Variants in MCTP2 observed in about 807,000 individuals in gnomAD.
The protein encoded by MCTP2 is multiple C2 and transmembrane domain-containing protein 2.
MCTP2 carries 132 observed loss-of-function variants against 111.6 expected under a neutral mutation model. That is an observed-to-expected ratio of 1.18 (90% CI 1.03 to 1.37). The LOEUF (loss-of-function observed/expected upper bound fraction) is 1.37, where lower values mean the gene tolerates loss of function less well. Among genes scored for constraint, MCTP2 ranks in the 40% most tolerant of loss-of-function variants. The pLI is 0.00. For synonymous variants in MCTP2, 395 were observed against 387.7 expected, an observed-to-expected ratio of 1.02 and a Z score of -0.22; for missense variants, 1,183 against 1,067.9, an observed-to-expected ratio of 1.11 and a Z score of -1.50.
At chr15:94,394,492 G>C (rs575226736) in intron 14 of MCTP2, among the ~76,000 whole-genome samples, 37 of 152,268 alleles carry the variant, frequency 2.4e-4, no homozygotes, top group African/African-American at 8.7e-4. Context: ...GTGACTGGGT[G>C]CAGTGGCTCA....
At chr15:94,463,725 G>C (rs1396599117) in intron 20 of MCTP2, among the ~76,000 whole-genome samples, 2 of 152,092 alleles carry the variant, frequency 1.3e-5, no homozygotes, top group African/African-American at 4.8e-5. Flanking sequence ...TTGTAAATAT[G>C]CTTTATCAGG....
At chr15:94,321,948 G>T (rs1196830148) in intron 4 of MCTP2, among the ~76,000 whole-genome samples, 1 of 152,182 alleles carries the variant, frequency 6.6e-6, no homozygotes, top group Non-Finnish European at 1.5e-5. Context: ...AGGTGAAAGT[G>T]GATCATCATA....
At chr15:94,424,299 T>G (rs1336593612) in intron 17 of MCTP2, among the ~76,000 whole-genome samples, 1 of 152,150 alleles carries the variant, frequency 6.6e-6, no homozygotes, top group East Asian at 1.9e-4. Flanking sequence ...TATTTGGATA[T>G]TTTCATTTTG....
chr15:94,245,350 ACATATG>A (rs1284133306), intron 1 of MCTP2, among the ~76,000 whole-genome samples: 9 of 133,916 alleles, frequency 6.7e-5, no homozygotes, highest in African/African-American at 1.8e-4. Flanking sequence ...ATATTTACAT[ACATATG>A]TATATATATT....
At chr15:94,405,171 T>G (rs1199570155) in intron 17 of MCTP2, among the ~76,000 whole-genome samples, 1 of 152,198 alleles carries the variant, frequency 6.6e-6, no homozygotes, top group Non-Finnish European at 1.5e-5. Context: ...GTGGGGCTTT[T>G]CTTCTTGTGA....
At chr15:94,232,408 G>T (rs2070245569) in intron 1 of MCTP2, among the ~76,000 whole-genome samples, 1 of 152,140 alleles carries the variant, frequency 6.6e-6, no homozygotes, top group Middle Eastern at 3.2e-3. Flanking sequence ...ACAAGGGTGC[G>T]AACCCTTAAG....
rs766467867 is a variant in MCTP2, at chr15:94,479,151, C to T, written c.*117C>T. The T allele has an allele frequency of 4.6e-5, 42 of 917,640 alleles. No individual in the cohort carries two copies. Among genetic ancestry groups the T allele is most frequent in the East Asian group, 4.3e-4 (17 of 39,804 alleles). The allele number at this position is 917,640 out of a possible 1,614,324, so 56.8% of individuals were successfully genotyped here. On this transcript the variant is annotated 3_prime_UTR_variant, in exon 23 of 23. Transcript: ENST00000357742. Reference sequence around the variant, plus strand: ...TTCTGAAATGCATGCCCTGTGGCACCCTCTGTATACTTCCTCCTCCTTCAC... The same window carrying T: ...TTCTGAAATGCATGCCCTGTGGCACTCTCTGTATACTTCCTCCTCCTTCAC...
At chr15:94,376,184 T>A (rs1340197130) in intron 12 of MCTP2, among the ~76,000 whole-genome samples, 1 of 152,176 alleles carries the variant, frequency 6.6e-6, no homozygotes, top group African/African-American at 2.4e-5. Context: ...GGCTATGCCA[T>A]TAGGAGGAGC....
At chr15:94,302,847 C>G (rs1374691174) in intron 2 of MCTP2, among the ~76,000 whole-genome samples, 1 of 151,950 alleles carries the variant, frequency 6.6e-6, no homozygotes, top group East Asian at 1.9e-4. Context: ...CATTTTCATG[C>G]TACTGATAGA....
chr15:94,312,688 A>C (rs951012039), intron 2 of MCTP2, among the ~76,000 whole-genome samples: 2 of 152,130 alleles, frequency 1.3e-5, no homozygotes, highest in African/African-American at 4.8e-5. Flanking sequence ...GATTACAAGA[A>C]CCTTAGGGCC....
intron 14 of MCTP2, among the ~76,000 whole-genome samples, chr15:94,387,237 A>G (rs1411052503): frequency 1.3e-5 from 2 of 151,334 alleles, no homozygotes; most frequent in Non-Finnish European, 2.9e-5. Context: ...TCTTGGCACT[A>G]TTGATATTTG....
intron 10 of MCTP2, among the ~76,000 whole-genome samples, chr15:94,365,326 T>C (rs1207747635): frequency 1.3e-5 from 2 of 152,216 alleles, no homozygotes; most frequent in Non-Finnish European, 2.9e-5. Context: ...ATATCTAAAC[T>C]ACAAATGGCT....
chr15:94,327,368 A>G (rs1159146213), intron 4 of MCTP2, among the ~76,000 whole-genome samples: 1 of 152,232 alleles, frequency 6.6e-6, no homozygotes, highest in Non-Finnish European at 1.5e-5. Context: ...TTTTAAGTAT[A>G]CATTAAATTG....
At chr15:94,330,504 CCTTT>C (rs1007518465) in intron 4 of MCTP2, among the ~76,000 whole-genome samples, 3 of 142,838 alleles carry the variant, frequency 2.1e-5, no homozygotes, top group African/African-American at 8.0e-5. Context: ...CTGGCTTACT[CCTTT>C]CTTATTTTTT....
chr15:94,367,993 G>A (rs2079289669), intron 11 of MCTP2, among the ~76,000 whole-genome samples: 1 of 152,212 alleles, frequency 6.6e-6, no homozygotes, highest in East Asian at 1.9e-4. Context: ...TTAAGAGTTG[G>A]TTTTGCTATT....
At chr15:94,386,130 C>A (rs986813051) in intron 14 of MCTP2, among the ~76,000 whole-genome samples, 4 of 151,948 alleles carry the variant, frequency 2.6e-5, no homozygotes, top group East Asian at 1.9e-4. Context: ...AAAATACTTA[C>A]AAAATTCAGA....
intron 20 of MCTP2, among the ~76,000 whole-genome samples, chr15:94,467,913 A>G (rs1567775541): frequency 6.6e-6 from 1 of 152,258 alleles, no homozygotes; most frequent in Non-Finnish European, 1.5e-5. Context: ...AGAATAACAA[A>G]GATAGCATAA....
Position 94,479,958 on chromosome 15 carries a change from T to C in MCTP2, c.*924T>C, listed in dbSNP as rs991744120. ...ATTATAATCATTTCATTTGCCTGAATGTTTTAAGCAGGAAGTAGAAATACT... is the reference window on the plus strand; with the variant it reads ...ATTATAATCATTTCATTTGCCTGAACGTTTTAAGCAGGAAGTAGAAATACT... On this transcript the variant is annotated 3_prime_UTR_variant, in exon 23 of 23. Transcript: ENST00000357742. 15 of 152,320 alleles carry C rather than the reference T, an allele frequency of 9.8e-5. No individual in the cohort carries two copies. Among genetic ancestry groups the C allele is most frequent in the African/African-American group, 3.6e-4 (15 of 41,580 alleles). 9.4% of individuals were successfully genotyped at this position (152,320 alleles called of 1,614,324 possible).
intron 1 of MCTP2, among the ~76,000 whole-genome samples, chr15:94,267,783 T>C (rs1426480435): frequency 1.3e-5 from 2 of 151,976 alleles, no homozygotes; most frequent in Non-Finnish European, 2.9e-5. Context: ...TTTGTTTGCC[T>C]GCTTGCTTAC....
Sources: allele counts gnomAD v4.1 joint callset (sites outside exome capture counted in the v4.1 genomes callset), GRCh38; gene constraint gnomAD v4.1.1; transcripts MANE v1.5; gene names NCBI Gene and HGNC (gene_info 2026-07-23, HGNC 2026-07-21).